FAM184A: variants seen among roughly 807,000 people sequenced by gnomAD.
The protein encoded by FAM184A is family with sequence similarity 184 member A.
A neutral mutation model predicts 143.8 loss-of-function variants in FAM184A; 99 were observed. That is an observed-to-expected ratio of 0.69 (90% CI 0.58 to 0.81). The LOEUF (loss-of-function observed/expected upper bound fraction) is 0.81, where lower values mean the gene tolerates loss of function less well. FAM184A is among the 40% of genes least tolerant of loss of function. The pLI is 0.00. For missense variants in FAM184A, 1,217 were observed against 1,310.5 expected, an observed-to-expected ratio of 0.93 and a Z score of 1.10; for synonymous variants, 427 against 446.4, an observed-to-expected ratio of 0.96 and a Z score of 0.55.
At chr6:119,036,683 T>C (rs919292295) in intron 1 of FAM184A, among the ~76,000 whole-genome samples, 1 of 152,120 alleles carries the variant, frequency 6.6e-6, no homozygotes, top group Non-Finnish European at 1.5e-5. Flanking sequence ...ACAACAAACA[T>C]TTTGTGAATG....
At chr6:119,016,153 G>A (rs910590281) in intron 5 of FAM184A, among the ~76,000 whole-genome samples, 2 of 152,132 alleles carry the variant, frequency 1.3e-5, no homozygotes, top group Non-Finnish European at 2.9e-5. Flanking sequence ...TTTGTATCTA[G>A]CTCAGGGATT....
intron 1 of FAM184A, among the ~76,000 whole-genome samples, chr6:119,085,868 GA>G (rs1788206696): frequency 2.6e-5 from 4 of 152,186 alleles, no homozygotes; most frequent in Non-Finnish European, 5.9e-5. Context: ...CAGAGCAGGA[GA>G]AAGAGAGAGT....
At chr6:119,112,218 G>A (rs1788951083) in intron 1 of FAM184A, among the ~76,000 whole-genome samples, 1 of 150,636 alleles carries the variant, frequency 6.6e-6, no homozygotes, top group Non-Finnish European at 1.5e-5. Context: ...CACAACCTCC[G>A]CCTCCCGGGT....
intron 1 of FAM184A, among the ~76,000 whole-genome samples, chr6:119,115,285 G>A (rs1243195593): frequency 1.3e-5 from 2 of 151,946 alleles, no homozygotes; most frequent in African/African-American, 4.8e-5. Flanking sequence ...TTTTATTTTA[G>A]GCACAGAGGA....
chr6:119,145,829 A>G (rs1409067602), intron 1 of FAM184A, among the ~76,000 whole-genome samples: 1 of 152,242 alleles, frequency 6.6e-6, no homozygotes, highest in African/African-American at 2.4e-5. Context: ...CTAAATCTTT[A>G]GGTATCATCT....
chr6:119,123,253 G>A (rs1320017590), intron 1 of FAM184A, among the ~76,000 whole-genome samples: 1 of 152,064 alleles, frequency 6.6e-6, no homozygotes, highest in African/African-American at 2.4e-5. Flanking sequence ...GCCGGGCCTG[G>A]TGGTGTAGGC....
chr6:119,099,443 T>G (rs1014963572), intron 1 of FAM184A, among the ~76,000 whole-genome samples: 1 of 152,176 alleles, frequency 6.6e-6, no homozygotes, highest in African/African-American at 2.4e-5. Flanking sequence ...CTTTATTTCA[T>G]GCTTGGGGGA....
At chr6:119,091,913 A>G (rs1281867281) in intron 1 of FAM184A, among the ~76,000 whole-genome samples, 1 of 152,214 alleles carries the variant, frequency 6.6e-6, no homozygotes, top group South Asian at 2.1e-4. Context: ...CATGGCCTCC[A>G]TACCTGCTGA....
At chr6:119,061,873 G>A (rs660068) in intron 1 of FAM184A, among the ~76,000 whole-genome samples, 5,866 of 152,052 alleles carry the variant, frequency 0.039, 405 homozygotes, top group African/African-American at 0.13. Context: ...AACATCATAC[G>A]TACCCCATCA....
In FAM184A at chr6:119,078,365, C is replaced by A; in HGVS notation, c.-66G>T. The A allele has an allele frequency of 7.4e-7, 1 of 1,351,802 alleles. No individual in the cohort carries two copies. The highest frequency in any genetic ancestry group is 1.7e-5 in the South Asian group (1 of 58,292). The allele number at this position is 1,351,802 out of a possible 1,614,324, so 83.7% of individuals were successfully genotyped here. ...TGGAGGCAGGCCCGTGGAGCAACGA[C>A]GCCCGGGAGGCAAGAGTCGCGGCGG... is the stretch of plus-strand genomic sequence containing the variant. On this transcript the variant is annotated 5_prime_UTR_variant, in exon 1 of 18. Coordinates refer to ENST00000338891, the MANE Select transcript of FAM184A (RefSeq NM_024581.6). This position sits in a 1 kb window ranked among gnomAD's most constrained non-coding sequence, Gnocchi z 5.5.
intron 6 of FAM184A, among the ~76,000 whole-genome samples, chr6:119,010,441 C>T (rs1224012284): frequency 6.6e-6 from 1 of 152,142 alleles, no homozygotes; most frequent in Non-Finnish European, 1.5e-5. Flanking sequence ...GATGGAATGG[C>T]ATCTCATTGA....
At chr6:119,100,421 G>GCC (rs1198525560) in intron 1 of FAM184A, among the ~76,000 whole-genome samples, 2 of 152,080 alleles carry the variant, frequency 1.3e-5, no homozygotes, top group Admixed American at 1.3e-4. Flanking sequence ...ATCAATGTCT[G>GCC]CCCATTACTG....
At chr6:118,970,019 T>TTTC (rs1348741355) in intron 14 of FAM184A, among the ~76,000 whole-genome samples, 2 of 91,502 alleles carry the variant, frequency 2.2e-5, no homozygotes, top group African/African-American at 8.1e-5. Flanking sequence ...TTTTTTTTTT[T>TTTC]TTGAGATGGA....
In FAM184A at chr6:119,002,940, T is replaced by C; in HGVS notation, c.2047A>G (p.Arg683Gly). The part of the protein sequence containing the change: ...QLKDREKNAA[R>G]DSWQKKVEDL... ...TCTACTTTCTTCTGCCATGAATCTCTTGCTGCATTTTTCTCTCGATCTTTC... is the reference window on the plus strand; with the variant it reads ...TCTACTTTCTTCTGCCATGAATCTCCTGCTGCATTTTTCTCTCGATCTTTC... The change falls in exon 9 of 18, where the codon AGA becomes GGA. Residue 683 changes from arginine to glycine, a missense_variant. Coordinates refer to ENST00000338891, the MANE Select transcript of FAM184A (RefSeq NM_024581.6). 6.2e-7 allele frequency: 1 copy of C among 1,612,596 alleles called. No homozygotes were observed. Among genetic ancestry groups the C allele is most frequent in the Non-Finnish European group, 8.5e-7 (1 of 1,179,576 alleles).
intron 9 of FAM184A, 31 bp downstream of exon 9, chr6:119,002,868 G>T (rs1377700050): frequency 6.5e-7 from 1 of 1,536,790 alleles, no homozygotes; most frequent in South Asian, 1.3e-5. Context: ...CAAGGGAGAT[G>T]AAACTTCATC....
chr6:119,053,643 C>G (rs1338683230), intron 1 of FAM184A, among the ~76,000 whole-genome samples: 1 of 152,106 alleles, frequency 6.6e-6, no homozygotes, highest in Non-Finnish European at 1.5e-5. Flanking sequence ...CTAAGTGGCC[C>G]TTTAAAAAGA....
intron 17 of FAM184A, among the ~76,000 whole-genome samples, chr6:118,961,382 CAT>C (rs944658330): frequency 6.7e-5 from 10 of 149,488 alleles, no homozygotes; most frequent in South Asian, 4.2e-4. Context: ...AAAAAATAAA[CAT>C]ATATAAAAAA....
chr6:119,067,428 A>C (rs914843918), intron 1 of FAM184A, among the ~76,000 whole-genome samples: 1 of 152,204 alleles, frequency 6.6e-6, no homozygotes, highest in Admixed American at 6.5e-5. Flanking sequence ...GATACAGTTG[A>C]TCTTCTTTAC....
intron 1 of FAM184A, among the ~76,000 whole-genome samples, chr6:119,038,757 C>T (rs1786206200): frequency 6.6e-6 from 1 of 152,110 alleles, no homozygotes; most frequent in Non-Finnish European, 1.5e-5. Context: ...CGGACCGGCC[C>T]TGAATTCTTT....
Sources: allele counts gnomAD v4.1 joint callset (sites outside exome capture counted in the v4.1 genomes callset), GRCh38; gene constraint gnomAD v4.1.1; non-coding constraint Gnocchi (gnomAD v3.1); transcripts MANE v1.5; gene names NCBI Gene and HGNC (gene_info 2026-07-23, HGNC 2026-07-21).